The following C10orf90 variants were observed in gnomAD, a reference collection of about 807,000 sequenced individuals.
C10orf90 encodes (E2-independent) E3 ubiquitin-conjugating enzyme FATS.
In C10orf90, 56 loss-of-function variants were observed where a neutral mutation model predicts 62.5. That is an observed-to-expected ratio of 0.90 (90% CI 0.72 to 1.12). The LOEUF is 1.12. Among genes scored for constraint, C10orf90 ranks in the 50% most tolerant of loss-of-function variants. The pLI is 0.00. For synonymous variants in C10orf90, 386 were observed against 340.4 expected (o/e 1.13, Z -1.47); for missense variants, 970 against 880.4 (o/e 1.10, Z -1.29).
intron 2 of C10orf90, among the ~76,000 whole-genome samples, chr10:126,526,062 A>AC (rs1591069594): frequency 6.0e-5 from 9 of 149,456 alleles, no homozygotes; most frequent in South Asian, 2.2e-4. Context: ...ACACACACAC[A>AC]AAAGAAGCAG....
At chr10:126,540,801 T>C (rs1449202717) in intron 2 of C10orf90, among the ~76,000 whole-genome samples, 1 of 151,960 alleles carries the variant, frequency 6.6e-6, no homozygotes, top group Admixed American at 6.6e-5. Flanking sequence ...CAGGAAGAGA[T>C]GGATAGATCC....
intron 2 of C10orf90, among the ~76,000 whole-genome samples, chr10:126,523,816 T>C (rs998070142): frequency 7.9e-5 from 12 of 151,002 alleles, no homozygotes; most frequent in Non-Finnish European, 1.6e-4. Context: ...CTTATACAAA[T>C]GGAATCATAC....
intron 2 of C10orf90, among the ~76,000 whole-genome samples, chr10:126,533,002 G>C (rs927930907): frequency 1.3e-5 from 2 of 150,064 alleles, no homozygotes; most frequent in Admixed American, 6.7e-5. Context: ...GCGCTATCTC[G>C]GCTCACTGCA....
chr10:126,633,135 A>T (rs1845882522), intron 2 of C10orf90, among the ~76,000 whole-genome samples: 2 of 152,180 alleles, frequency 1.3e-5, no homozygotes, highest in African/African-American at 2.4e-5. Context: ...CCTGCCAATC[A>T]TGTGATAAAA....
chr10:126,521,449 G>T, intron 2 of C10orf90: 1 of 1,521,804 alleles, frequency 6.6e-7, no homozygotes, highest in Non-Finnish European at 8.8e-7. Flanking sequence ...AATGAGTCAG[G>T]CTTCCACCTT....
rs1178487614 is a variant in C10orf90 at position 126,425,877 on chromosome 10, C to T, written c.2378G>A (p.Arg793Lys). The change falls in exon 10 of 10, where the codon AGG (arginine) becomes AAG (lysine). Residue 793 changes from arginine (R) to lysine (K), a missense_variant. Arg to Lys is a conservative substitution (Grantham distance 26). Transcript: ENST00000488181. ...GGCAGCCTGTGGTTAGACCGCATTC[C>T]TTTGAAGGAGCTGGTCCAGTAATTG... ...KKQLLDQLLQRNAV is the reference protein window; with the variant it reads ...KKQLLDQLLQKNAV 3 of 1,613,924 alleles carry T rather than the reference C, an allele frequency of 1.9e-6. No homozygotes were observed. Among genetic ancestry groups the T allele is most frequent in the Middle Eastern group, 1.6e-4 (1 of 6,076 alleles).
chr10:126,638,074 G>A (rs372365734), intron 2 of C10orf90, among the ~76,000 whole-genome samples: 19 of 152,174 alleles, frequency 1.2e-4, no homozygotes, highest in South Asian at 2.1e-4. Flanking sequence ...TGACAACAGC[G>A]GTGTCGTTGC....
chr10:126,535,017 C>T (rs1864195224), intron 2 of C10orf90, among the ~76,000 whole-genome samples: 2 of 152,144 alleles, frequency 1.3e-5, no homozygotes. Flanking sequence ...GAAAGAGCCA[C>T]ATATTATCAC....
chr10:126,648,359 G>A (rs1424556431), intron 1 of C10orf90, among the ~76,000 whole-genome samples: 1 of 152,176 alleles, frequency 6.6e-6, no homozygotes, highest in Non-Finnish European at 1.5e-5. Context: ...CCAGATGCAA[G>A]TACCTTGATC....
intron 2 of C10orf90, among the ~76,000 whole-genome samples, chr10:126,629,114 C>A (rs974407141): frequency 4.6e-5 from 7 of 152,222 alleles, no homozygotes; most frequent in Non-Finnish European, 8.8e-5. Flanking sequence ...GATTGGAAGA[C>A]AGAAGCAGCC....
At chr10:126,612,701 A>G (rs1845463546) in intron 2 of C10orf90, among the ~76,000 whole-genome samples, 1 of 152,094 alleles carries the variant, frequency 6.6e-6, no homozygotes, top group South Asian at 2.1e-4. Flanking sequence ...TATGATTTCC[A>G]CTCCTCGGGG....
intron 2 of C10orf90, among the ~76,000 whole-genome samples, chr10:126,585,121 G>A (rs773287190): frequency 4.0e-5 from 6 of 151,696 alleles, no homozygotes; most frequent in Admixed American, 6.6e-5. Context: ...TTCCAACTGC[G>A]CATAGCAAAG....
intron 5 of C10orf90, 72 bp from the exon 6 acceptor site, chr10:126,461,657 G>A (rs1450185752): frequency 1.4e-6 from 2 of 1,381,692 alleles, no homozygotes; most frequent in African/African-American, 2.9e-5. Flanking sequence ...AATACCATTA[G>A]ACACAGAAGA....
At chr10:126,543,897 G>A (rs756875909) in intron 2 of C10orf90, among the ~76,000 whole-genome samples, 13 of 152,090 alleles carry the variant, frequency 8.5e-5, no homozygotes, top group Non-Finnish European at 1.5e-4. Flanking sequence ...GAGCTTCAAG[G>A]CTATCACCAC....
intron 2 of C10orf90, among the ~76,000 whole-genome samples, chr10:126,553,774 C>T (rs1215061552): frequency 1.3e-5 from 2 of 152,120 alleles, no homozygotes; most frequent in Non-Finnish European, 2.9e-5. Context: ...CACCTAACGA[C>T]ACGTTTCTCA....
intron 2 of C10orf90, among the ~76,000 whole-genome samples, chr10:126,539,883 T>C (rs1265554206): frequency 6.6e-6 from 1 of 152,156 alleles, no homozygotes; most frequent in Non-Finnish European, 1.5e-5. Context: ...CTAGGGGTGC[T>C]GCTAACACAG....
At position 126,565,116 on chromosome 10, in the gene C10orf90, T is replaced by TTATATTACATATTATGTA. The variant is rs1564874013; in HGVS notation, c.314-51178_314-51177insTACATAATATGTAATATA. 4.9e-3 allele frequency among the ~76,000 whole-genome samples: 185 copies of TTATATTACATATTATGTA among 37,618 alleles called. 26 individuals are homozygous for TTATATTACATATTATGTA. The highest frequency in any genetic ancestry group is 5.2e-3 in the Non-Finnish European group (123 of 23,582). 24.7% of individuals were successfully genotyped at this position (37,618 alleles called of 152,430 possible). The stretch of plus-strand genomic sequence containing the variant: ...ATTATATAATATATAAAATATATAT[T>TTATATTACATATTATGTA]ATATAATATATAATATAAATATAAT... On this transcript the variant is annotated intron_variant, in intron 2 of 9. Coordinates refer to ENST00000488181, the MANE Select transcript of C10orf90 (RefSeq NM_001350921.2).
intron 2 of C10orf90, among the ~76,000 whole-genome samples, chr10:126,548,515 C>G (rs535868182): frequency 2.0e-5 from 3 of 152,056 alleles, no homozygotes; most frequent in Non-Finnish European, 4.4e-5. Context: ...TACAGGCACA[C>G]GCCACCACAC....
intron 2 of C10orf90, among the ~76,000 whole-genome samples, chr10:126,642,661 G>C (rs117942298): frequency 6.6e-6 from 1 of 151,968 alleles, no homozygotes; most frequent in Non-Finnish European, 1.5e-5. Flanking sequence ...CTTCTCTCCC[G>C]CTGTAATCTC....
Sources: allele counts gnomAD v4.1 joint callset (sites outside exome capture counted in the v4.1 genomes callset), GRCh38; gene constraint gnomAD v4.1.1; transcripts MANE v1.5; gene names NCBI Gene and HGNC (gene_info 2026-07-23, HGNC 2026-07-21).